The following DNAH9 variants were observed in gnomAD, a reference collection of about 807,000 sequenced individuals.
The protein encoded by DNAH9 is DNAH9 variant protein.
DNAH9 carries 345 observed loss-of-function variants against 471.6 expected under a neutral mutation model. That is an observed-to-expected ratio of 0.73 (90% CI 0.67 to 0.80). DNAH9 has a LOEUF of 0.80. Among genes scored for constraint, DNAH9 ranks in the 30% least tolerant of loss-of-function variants. The pLI is 0.00. For missense variants in DNAH9, 5,407 were observed against 5,609.2 expected (o/e 0.96, Z 1.15); for synonymous variants, 2,093 against 2,123.6 (o/e 0.99, Z 0.40).
At chr17:11,736,956 A>T (rs1234265307) in intron 28 of DNAH9, among the ~76,000 whole-genome samples, 2 of 152,178 alleles carry the variant, frequency 1.3e-5, no homozygotes, top group African/African-American at 2.4e-5. Flanking sequence ...TATTTTATGG[A>T]TGGGAAGACT....
chr17:11,904,715 G>A (rs1307072918), intron 60 of DNAH9, among the ~76,000 whole-genome samples: 3 of 150,836 alleles, frequency 2.0e-5, no homozygotes, highest in African/African-American at 4.9e-5. Context: ...CCCTGATTCC[G>A]CTTGCCAATC....
chr17:11,682,276 C>T (rs1342404726), intron 19 of DNAH9, among the ~76,000 whole-genome samples: 3 of 150,532 alleles, frequency 2.0e-5, no homozygotes, highest in South Asian at 2.1e-4. Flanking sequence ...TTCGAGGTAG[C>T]GTCTTGCTCT....
chr17:11,768,920 C>T (rs980408676), intron 37 of DNAH9, among the ~76,000 whole-genome samples: 4 of 152,116 alleles, frequency 2.6e-5, no homozygotes, highest in Non-Finnish European at 5.9e-5. Context: ...GGGAAGCTCT[C>T]TGCCTAACTG....
chr17:11,636,869 A>G (rs184123769), intron 9 of DNAH9, 85 bp downstream of exon 9: 1 of 1,250,478 alleles, frequency 8.0e-7, no homozygotes, highest in Admixed American at 1.8e-5. Flanking sequence ...TTAAATGTCC[A>G]TGTATGGATC....
At chr17:11,685,771 C>T (rs566944387) in intron 19 of DNAH9, among the ~76,000 whole-genome samples, 24 of 151,156 alleles carry the variant, frequency 1.6e-4, no homozygotes, top group Admixed American at 2.6e-4. Flanking sequence ...GGAAGGACTG[C>T]GCCTCACAAA....
Position 11,773,230 on chromosome 17 carries a change from A to G in DNAH9, c.7552+3901A>G, listed in dbSNP as rs114980018. 2.7e-3 allele frequency among the ~76,000 whole-genome samples: 406 copies of G among 152,312 alleles called. 1 individual carries two copies. The highest frequency in any genetic ancestry group is 9.3e-3 in the African/African-American group (388 of 41,580). ...GTTATTTGCACTTGAGACCCTGTGT[A>G]TTTAAGAAAAAGTTGGATGTGAGGT... On this transcript the variant is annotated intron_variant, in intron 38 of 68. Transcript: ENST00000262442.
intron 38 of DNAH9, among the ~76,000 whole-genome samples, chr17:11,770,157 G>A (rs1968144389): frequency 6.6e-6 from 1 of 152,212 alleles, no homozygotes; most frequent in Non-Finnish European, 1.5e-5. Context: ...TAAGTTAGGA[G>A]CCATAGCTTA....
intron 57 of DNAH9, among the ~76,000 whole-genome samples, chr17:11,887,273 CGAA>C (rs1972909459): frequency 6.6e-6 from 1 of 152,030 alleles, no homozygotes. Flanking sequence ...AAGGTGATAC[CGAA>C]GAAGTCTGAG....
chr17:11,752,674 TAAAGTA>T (rs1967209534), intron 32 of DNAH9, among the ~76,000 whole-genome samples, 153 bp from the exon 33 acceptor site: 2 of 151,854 alleles, frequency 1.3e-5, no homozygotes, highest in East Asian at 1.9e-4. Flanking sequence ...TAAAAAAAAA[TAAAGTA>T]AAATAAAATA....
intron 10 of DNAH9, among the ~76,000 whole-genome samples, chr17:11,642,441 A>G (rs1235443552): frequency 6.6e-6 from 1 of 151,890 alleles, no homozygotes; most frequent in Non-Finnish European, 1.5e-5. Context: ...AATCCCAGCT[A>G]CTCAGGACGC....
intron 28 of DNAH9, among the ~76,000 whole-genome samples, chr17:11,733,301 C>T (rs886927459): frequency 2.6e-5 from 4 of 152,156 alleles, no homozygotes; most frequent in Non-Finnish European, 5.9e-5. Context: ...TAGGGCTAGC[C>T]CATGACCTCC....
At chr17:11,775,741 A>T (rs1295633197) in intron 38 of DNAH9, among the ~76,000 whole-genome samples, 2 of 151,424 alleles carry the variant, frequency 1.3e-5, no homozygotes, top group African/African-American at 4.9e-5. Context: ...AGTAGCTGGG[A>T]CTACAGGCAC....
At chr17:11,676,798 C>T (rs910808591) in intron 17 of DNAH9, among the ~76,000 whole-genome samples, 1 of 152,070 alleles carries the variant, frequency 6.6e-6, no homozygotes, top group East Asian at 1.9e-4. Flanking sequence ...TGCATGCTAA[C>T]ATTGAAAGTT....
intron 50 of DNAH9, among the ~76,000 whole-genome samples, chr17:11,866,853 T>C (rs535772965): frequency 1.4e-4 from 22 of 152,374 alleles, no homozygotes; most frequent in African/African-American, 4.6e-4. Context: ...CCTGGTGCAC[T>C]GTTTTTTAAG....
chr17:11,762,778 T>TGTTTTTTTTTTTG (rs796830222), intron 35 of DNAH9, among the ~76,000 whole-genome samples: 4 of 98,046 alleles, frequency 4.1e-5, no homozygotes, highest in African/African-American at 1.4e-4. Context: ...TTGTTTTTTT[T>TGTTTTTTTTTTTG]TTTTTTTTTT....
At chr17:11,881,485 A>G (rs1300580168) in intron 55 of DNAH9, 72 bp downstream of exon 55, 2 of 1,478,046 alleles carry the variant, frequency 1.4e-6, no homozygotes, top group African/African-American at 2.8e-5. Context: ...GAGGTTGCAG[A>G]GGGGGGCTGT....
At chr17:11,690,497 C>T in intron 20 of DNAH9, 61 bp downstream of exon 20, 1 of 1,491,092 alleles carries the variant, frequency 6.7e-7, no homozygotes, top group Non-Finnish European at 9.1e-7. Context: ...GGGAAGGTCA[C>T]CCAGTTCCTG....
intron 6 of DNAH9, among the ~76,000 whole-genome samples, chr17:11,625,098 C>A (rs541775929): frequency 6.7e-6 from 1 of 150,254 alleles, no homozygotes; most frequent in Admixed American, 6.6e-5. Context: ...ACACACACAC[C>A]GAGTTCATTT....
chr17:11,758,797 G>A (rs1967517839), intron 35 of DNAH9, among the ~76,000 whole-genome samples: 1 of 152,098 alleles, frequency 6.6e-6, no homozygotes, highest in Non-Finnish European at 1.5e-5. Context: ...TGACATTGTG[G>A]TCTATTTTCG....
Sources: gnomAD v4.1 joint callset for allele counts (sites outside exome capture counted in the v4.1 genomes callset) on GRCh38, gnomAD v4.1.1 for gene constraint, MANE v1.5 for transcripts, NCBI Gene and HGNC (gene_info 2026-07-23, HGNC 2026-07-21) for gene names.